The following SLCO1B3 variants were observed in gnomAD, a reference collection of about 807,000 sequenced individuals.
SLCO1B3 encodes the protein solute carrier organic anion transporter family member 1B3.
A neutral mutation model predicts 71.8 loss-of-function variants in SLCO1B3; 72 were observed. The observed-to-expected ratio is 1.00, with a 90% CI of 0.83 to 1.22. SLCO1B3 has a LOEUF of 1.22. SLCO1B3 is among the 50% of genes most tolerant of loss of function. The pLI, the probability that SLCO1B3 is intolerant of heterozygous loss-of-function variation, is 0.00. For missense variants in SLCO1B3, 911 were observed against 819.7 expected, an observed-to-expected ratio of 1.11 and a Z score of -1.36; for synonymous variants, 298 against 278.4, an observed-to-expected ratio of 1.07 and a Z score of -0.70.
Position 20,901,438 on chromosome 12 carries a change from T to C in SLCO1B3, c.1836T>C (p.Ala612=), listed in dbSNP as rs948776972. 1 of 1,555,312 alleles carries C rather than the reference T, an allele frequency of 6.4e-7. No individual in the cohort carries two copies. ...CCAACAGCTGTGGAGCACAAGGGGC[T>C]TGTAGGATATATAATTCCGTATTTT... ...WSTNSCGAQG[A]CRIYNSVFFG... Residue 612 remains alanine, a synonymous_variant, in exon 15 of 16, where the codon GCT becomes GCC. Transcript: ENST00000381545.
At chr12:20,826,804 C>G (rs537569402) in intron 3 of SLCO1B3, among the ~76,000 whole-genome samples, 69 of 152,032 alleles carry the variant, frequency 4.5e-4, no homozygotes, top group South Asian at 2.3e-3. Flanking sequence ...ATACTAGTTT[C>G]TTTCACTTTG....
At chr12:20,846,642 A>G (rs1864926014) in intron 3 of SLCO1B3, among the ~76,000 whole-genome samples, 1 of 152,178 alleles carries the variant, frequency 6.6e-6, no homozygotes, top group Non-Finnish European at 1.5e-5. Context: ...AACATAATCC[A>G]TGGATACTTG....
chr12:20,834,482 A>G (rs1218539827), intron 3 of SLCO1B3, among the ~76,000 whole-genome samples: 1 of 119,524 alleles, frequency 8.4e-6, no homozygotes, highest in Non-Finnish European at 2.1e-5. Flanking sequence ...TATATATATT[A>G]TAATATATAT....
chr12:20,916,252 G>A lies in SLCO1B3; in HGVS notation c.*5G>A. On this transcript the variant is annotated 3_prime_UTR_variant, in exon 16 of 16. Transcript: ENST00000381545. ...GACAATGCTGCTGCCAACTAACATTGCATTGATTCATTAAGATGTTATTTT... is the reference window on the plus strand; with the variant it reads ...GACAATGCTGCTGCCAACTAACATTACATTGATTCATTAAGATGTTATTTT... 1 of 1,609,796 alleles carries A rather than the reference G, an allele frequency of 6.2e-7. No individual in the cohort carries two copies. The highest frequency in any genetic ancestry group is 8.5e-7 in the Non-Finnish European group (1 of 1,177,512).
chr12:20,855,658 C>CT (rs35056493), intron 4 of SLCO1B3, among the ~76,000 whole-genome samples: 17 of 143,582 alleles, frequency 1.2e-4, no homozygotes, highest in Admixed American at 3.5e-4. Context: ...GGTTTAAAGT[C>CT]TTTTTTTTTT....
At chr12:20,875,517 T>C in intron 9 of SLCO1B3, 40 bp downstream of exon 9, 7 of 1,576,398 alleles carry the variant, frequency 4.4e-6, no homozygotes, top group Non-Finnish European at 5.1e-6. Context: ...GAATTGTTAA[T>C]CTCAATGAAA....
intron 15 of SLCO1B3, 42 bp downstream of exon 15, chr12:20,901,509 TG>T: frequency 1.9e-6 from 2 of 1,065,956 alleles, no homozygotes; most frequent in Non-Finnish European, 1.4e-6. Context: ...ATTTTTTCTT[TG>T]TCTATGTTAA....
intron 3 of SLCO1B3, among the ~76,000 whole-genome samples, chr12:20,826,380 C>T (rs932583985): frequency 3.3e-5 from 5 of 152,102 alleles, no homozygotes; most frequent in Non-Finnish European, 7.4e-5. Context: ...AAAAGTTGAA[C>T]TTTTGGGTTA....
At chr12:20,885,358 C>G (rs1865773310) in intron 13 of SLCO1B3, among the ~76,000 whole-genome samples, 1 of 152,002 alleles carries the variant, frequency 6.6e-6, no homozygotes, top group African/African-American at 2.4e-5. Flanking sequence ...GTGTCAGCCA[C>G]AAATCCATGC....
At chr12:20,906,565 T>C (rs565304871) in intron 15 of SLCO1B3, among the ~76,000 whole-genome samples, 1 of 152,302 alleles carries the variant, frequency 6.6e-6, no homozygotes, top group African/African-American at 2.4e-5. Context: ...ATATTAATGA[T>C]AGGAGAAACT....
intron 4 of SLCO1B3, 92 bp from the exon 5 acceptor site, chr12:20,858,347 C>A: frequency 2.3e-6 from 2 of 860,434 alleles, no homozygotes; most frequent in Non-Finnish European, 1.8e-6. Flanking sequence ...GGTACAATGT[C>A]TTGGGCATAT....
chr12:20,911,969 A>G (rs981393080), intron 15 of SLCO1B3, among the ~76,000 whole-genome samples: 35 of 152,006 alleles, frequency 2.3e-4, no homozygotes, highest in Non-Finnish European at 3.5e-4. Flanking sequence ...ATTACTTTGG[A>G]TTTAATTTGC....
chr12:20,832,935 AAAAC>A (rs1018768763), intron 3 of SLCO1B3, among the ~76,000 whole-genome samples: 9 of 119,328 alleles, frequency 7.5e-5, no homozygotes, highest in African/African-American at 2.0e-4. Context: ...TTAATGGCAT[AAAAC>A]AAACAAAAAA....
At chr12:20,895,274 C>T (rs879902389) in intron 13 of SLCO1B3, among the ~76,000 whole-genome samples, 4 of 152,156 alleles carry the variant, frequency 2.6e-5, no homozygotes, top group Non-Finnish European at 5.9e-5. Flanking sequence ...CTAATTTCAG[C>T]ATTAACCCAA....
chr12:20,914,669 T>A (rs1866457352), intron 15 of SLCO1B3, among the ~76,000 whole-genome samples: 1 of 151,506 alleles, frequency 6.6e-6, no homozygotes, highest in South Asian at 2.1e-4. Flanking sequence ...CTAACAAACT[T>A]CTTTTAAGAT....
At chr12:20,877,630 T>A (rs1374284369) in intron 9 of SLCO1B3, 142 bp from the exon 10 acceptor site, 11 of 325,186 alleles carry the variant, frequency 3.4e-5, no homozygotes, top group Non-Finnish European at 5.8e-5. Flanking sequence ...CATGTTCCAT[T>A]TATTTTGAGC....
chr12:20,823,670 A>G (rs943726375), intron 3 of SLCO1B3, among the ~76,000 whole-genome samples: 3 of 152,180 alleles, frequency 2.0e-5, no homozygotes, highest in African/African-American at 7.2e-5. Context: ...ATCTTTTTGC[A>G]CTACGAATGT....
intron 13 of SLCO1B3, among the ~76,000 whole-genome samples, chr12:20,887,980 G>T (rs1054353539): frequency 6.6e-6 from 1 of 151,850 alleles, no homozygotes; most frequent in Non-Finnish European, 1.5e-5. Flanking sequence ...ATTGAATAGG[G>T]TGTCCTTTCC....
chr12:20,846,919 C>T (rs1864931127), intron 3 of SLCO1B3, among the ~76,000 whole-genome samples: 1 of 152,042 alleles, frequency 6.6e-6, no homozygotes, highest in Non-Finnish European at 1.5e-5. Flanking sequence ...CCAGTTGTCT[C>T]TTCCTGCCAG....
Sources: allele counts gnomAD v4.1 joint callset (sites outside exome capture counted in the v4.1 genomes callset), GRCh38; gene constraint gnomAD v4.1.1; transcripts MANE v1.5; gene names NCBI Gene and HGNC (gene_info 2026-07-23, HGNC 2026-07-21).